The following NRG1 variants were observed in gnomAD, a reference collection of about 807,000 sequenced individuals.
NRG1 encodes the protein neuregulin 1.
A neutral mutation model predicts 63.8 loss-of-function variants in NRG1; 18 were observed. The ratio of observed to expected loss-of-function variants is 0.28; its 90% CI spans 0.19 to 0.42. The LOEUF is 0.42. NRG1 is among the 10% of genes least tolerant of loss of function. NRG1 has a pLI of 1.00. For missense variants in NRG1, 762 were observed against 814.7 expected (o/e 0.94, Z 0.79); for synonymous variants, 302 against 301.3 (o/e 1.00, Z -0.02).
chr8:31,852,749 C>T (rs1186685878), intron 1 of NRG1, among the ~76,000 whole-genome samples: 1 of 152,198 alleles, frequency 6.6e-6, no homozygotes, highest in African/African-American at 2.4e-5. Flanking sequence ...TTAGGTCTAA[C>T]ATTTAAGTCT....
chr8:32,115,781 A>G (rs994072328), intron 1 of NRG1, among the ~76,000 whole-genome samples: 2 of 152,144 alleles, frequency 1.3e-5, no homozygotes, highest in African/African-American at 4.8e-5. Context: ...GAGAAAACAG[A>G]TAGAGAAGGC....
chr8:32,037,367 T>C (rs1196533930), intron 1 of NRG1, among the ~76,000 whole-genome samples: 1 of 152,152 alleles, frequency 6.6e-6, no homozygotes, highest in African/African-American at 2.4e-5. Context: ...ATGAGGTGTA[T>C]GGAGACCCCT....
In NRG1 at chr8:32,300,247, T is replaced by C. The variant is rs1230435958; in HGVS notation, c.38-295581T>C. Among the ~76,000 whole-genome samples the C allele has an allele frequency of 1.1e-4, 17 of 152,300 alleles. 1 individual carries two copies. In the East Asian group the frequency reaches 2.7e-3, roughly 24 times the overall value. On this transcript the variant is annotated intron_variant, in intron 1 of 10. Coordinates refer to the NRG1 transcript ENST00000519301. ...CTGAGATCGTTAACACTTTTTTCAA[T>C]AAGGTTAGATAACTAAGATGATAAA...
chr8:31,991,417 A>G (rs1247453960), intron 1 of NRG1, among the ~76,000 whole-genome samples: 1 of 80,750 alleles, frequency 1.2e-5, no homozygotes, highest in Non-Finnish European at 3.0e-5. Flanking sequence ...CTTCTTCATC[A>G]TCATTATCTC....
intron 1 of NRG1, among the ~76,000 whole-genome samples, chr8:32,566,669 T>A (rs532785344): frequency 1.0e-3 from 152 of 152,330 alleles, no homozygotes; most frequent in African/African-American, 3.5e-3. Context: ...TTATATTTCA[T>A]TCAGCACTTT....
intron 1 of NRG1, among the ~76,000 whole-genome samples, chr8:32,273,614 C>T (rs1851781546): frequency 6.6e-6 from 1 of 152,150 alleles, no homozygotes; most frequent in Non-Finnish European, 1.5e-5. Flanking sequence ...TCAGGTGGTA[C>T]CGTTGAGTCA....
At chr8:31,690,652 G>A (rs148713934) in intron 1 of NRG1, among the ~76,000 whole-genome samples, 7 of 152,250 alleles carry the variant, frequency 4.6e-5, no homozygotes, top group African/African-American at 9.6e-5. Context: ...TTGTGGATGC[G>A]CTATACTTGG....
chr8:32,150,528 G>T (rs1049175901), intron 1 of NRG1, among the ~76,000 whole-genome samples: 1 of 152,200 alleles, frequency 6.6e-6, no homozygotes, highest in Non-Finnish European at 1.5e-5. Flanking sequence ...ATGTGAGGGC[G>T]TAGCAAGAGG....
chr8:31,789,794 A>C (rs1002407874), intron 1 of NRG1, among the ~76,000 whole-genome samples: 1 of 152,174 alleles, frequency 6.6e-6, no homozygotes, highest in Non-Finnish European at 1.5e-5. Flanking sequence ...TGATCACTTA[A>C]TGAATTTATG....
chr8:32,281,747 G>T (rs2129473335), intron 1 of NRG1, among the ~76,000 whole-genome samples: 1 of 152,260 alleles, frequency 6.6e-6, no homozygotes, highest in South Asian at 2.1e-4. Flanking sequence ...TCAGGACACT[G>T]AGGCAGGAGG....
At chr8:31,847,220 A>C (rs1040296646) in intron 1 of NRG1, among the ~76,000 whole-genome samples, 2 of 152,230 alleles carry the variant, frequency 1.3e-5, no homozygotes, top group Non-Finnish European at 2.9e-5. Context: ...TTTTTAACTT[A>C]TGCCAACAAC....
At position 32,067,606 on chromosome 8, in the gene NRG1, G is replaced by A. The variant is rs183867954; in HGVS notation, c.37+428175G>A. Among the ~76,000 whole-genome samples the A allele has an allele frequency of 2.8e-4, 42 of 152,142 alleles. No individual in the cohort carries two copies. In the East Asian group the frequency reaches 4.3e-3, roughly 15 times the overall value. ...TTTGGTTTGCCAGTATTTTATGGCC[G>A]TCAATTTTTGACCCTGAGAGTGAAC... On this transcript the variant is annotated intron_variant, in intron 1 of 10. Transcript: ENST00000519301.
chr8:31,673,045 T>G (rs1807320457), intron 1 of NRG1, among the ~76,000 whole-genome samples: 1 of 151,944 alleles, frequency 6.6e-6, no homozygotes, highest in African/African-American at 2.4e-5. Context: ...CTCTGATATA[T>G]GAGGTTTTGA....
chr8:31,693,638 T>C (rs1809761268), intron 1 of NRG1, among the ~76,000 whole-genome samples: 1 of 152,188 alleles, frequency 6.6e-6, no homozygotes, highest in African/African-American at 2.4e-5. Flanking sequence ...AGGGACGGCT[T>C]TCCTGTAGAA....
intron 1 of NRG1, among the ~76,000 whole-genome samples, chr8:32,513,626 A>G (rs1829485631): frequency 6.6e-6 from 1 of 152,196 alleles, no homozygotes; most frequent in Non-Finnish European, 1.5e-5. Context: ...TTGGTCAATG[A>G]ATATGCAAAT....
intron 1 of NRG1, among the ~76,000 whole-genome samples, chr8:32,091,364 A>G (rs1829132231): frequency 6.6e-6 from 1 of 152,188 alleles, no homozygotes. Flanking sequence ...ATTCAATGAC[A>G]TTTACAATGA....
chr8:31,717,895 C>T (rs2131291417), intron 1 of NRG1, among the ~76,000 whole-genome samples: 1 of 152,296 alleles, frequency 6.6e-6, no homozygotes, highest in East Asian at 1.9e-4. Context: ...GGAATTACCA[C>T]TCTGGAAACA....
chr8:32,584,739 A>G (rs540843332), intron 1 of NRG1, among the ~76,000 whole-genome samples: 1 of 152,330 alleles, frequency 6.6e-6, no homozygotes, highest in South Asian at 2.1e-4. Flanking sequence ...TTTTCACAGA[A>G]GGAATAAGCT....
intron 5 of NRG1, among the ~76,000 whole-genome samples, chr8:32,671,166 T>C (rs2128894624): frequency 6.6e-6 from 1 of 152,056 alleles, no homozygotes; most frequent in Non-Finnish European, 1.5e-5. Flanking sequence ...AAAATTATCC[T>C]TGAATGATTC....
Sources: gnomAD v4.1 joint callset for allele counts (sites outside exome capture counted in the v4.1 genomes callset) on GRCh38, gnomAD v4.1.1 for gene constraint, MANE v1.5 for transcripts, NCBI Gene and HGNC (gene_info 2026-07-23, HGNC 2026-07-21) for gene names.